ASIC2: variants seen among roughly 807,000 people sequenced by gnomAD.
ASIC2 encodes the protein acid-sensing ion channel 2.
Under a neutral mutation model 57.3 loss-of-function variants are expected in ASIC2, and 25 were observed. The ratio of observed to expected loss-of-function variants is 0.44; its 90% CI spans 0.32 to 0.61. The LOEUF (loss-of-function observed/expected upper bound fraction) is 0.61. ASIC2 is among the 20% of genes least tolerant of loss of function. The pLI, the probability that ASIC2 is intolerant of heterozygous loss-of-function variation, is 0.06. For missense variants in ASIC2, 641 were observed against 738.1 expected (o/e 0.87, Z 1.52); for synonymous variants, 319 against 307.5 (o/e 1.04, Z -0.39).
At chr17:33,107,011 G>A (rs890830015) in intron 2 of ASIC2, among the ~76,000 whole-genome samples, 6 of 152,146 alleles carry the variant, frequency 3.9e-5, no homozygotes. Flanking sequence ...GCTGGTTGTC[G>A]AAGCTTGCCT....
intron 1 of ASIC2, among the ~76,000 whole-genome samples, chr17:33,411,599 C>T (rs932264770): frequency 7.2e-5 from 11 of 152,128 alleles, no homozygotes; most frequent in Admixed American, 2.6e-4. Flanking sequence ...TCTATCTGCT[C>T]CAGTGGGGGT....
At chr17:33,494,495 A>T (rs562269435) in intron 1 of ASIC2, among the ~76,000 whole-genome samples, 1 of 152,338 alleles carries the variant, frequency 6.6e-6, no homozygotes, top group African/African-American at 2.4e-5. Context: ...TCACACGAGT[A>T]TTGAGATAGG....
At chr17:34,026,633 C>G (rs8079966) in intron 1 of ASIC2, among the ~76,000 whole-genome samples, 2 of 152,128 alleles carry the variant, frequency 1.3e-5, no homozygotes, top group Non-Finnish European at 2.9e-5. Context: ...CTAATAAAAA[C>G]GTTCTTTCTG....
chr17:34,004,199 AAAAG>A (rs1906447852), intron 1 of ASIC2: 1 of 152,266 alleles, frequency 6.6e-6, no homozygotes, highest in Admixed American at 6.6e-5. Context: ...AAGGAAAAGG[AAAAG>A]GAAAAGGAAA....
At chr17:33,533,375 C>G (rs1915120748) in intron 1 of ASIC2, 1 of 152,158 alleles carries the variant, frequency 6.6e-6, no homozygotes, top group Non-Finnish European at 1.5e-5. Context: ...TCAGTATGCT[C>G]TTCCTCTGTC....
intron 1 of ASIC2, among the ~76,000 whole-genome samples, chr17:33,827,086 T>G (rs527521853): frequency 1.3e-5 from 2 of 152,306 alleles, no homozygotes; most frequent in African/African-American, 4.8e-5. Flanking sequence ...GATTTTGATG[T>G]GGCTCTGGAG....
chr17:33,090,992 T>C (rs1165827793), intron 2 of ASIC2, among the ~76,000 whole-genome samples: 1 of 152,214 alleles, frequency 6.6e-6, no homozygotes, highest in Non-Finnish European at 1.5e-5. Context: ...TTCTGTGGTT[T>C]CTGTACAGCA....
intron 1 of ASIC2, among the ~76,000 whole-genome samples, chr17:34,096,821 C>A (rs1255178040): frequency 1.6e-5 from 2 of 125,316 alleles, no homozygotes; most frequent in Non-Finnish European, 3.2e-5. Context: ...CATGCCACTG[C>A]ACTCCAGCCT....
chr17:34,041,278 G>C (rs1908121728), intron 1 of ASIC2: 1 of 152,176 alleles, frequency 6.6e-6, no homozygotes, highest in African/African-American at 2.4e-5. Context: ...CTGGGTCGGA[G>C]GCAGAAGAAG....
intron 1 of ASIC2, among the ~76,000 whole-genome samples, chr17:33,855,822 C>G (rs1275357403): frequency 6.6e-6 from 1 of 152,170 alleles, no homozygotes; most frequent in African/African-American, 2.4e-5. Flanking sequence ...GAATGGCCAA[C>G]TCTACCAACT....
At chr17:33,957,345 T>C (rs1009585390) in intron 1 of ASIC2, among the ~76,000 whole-genome samples, 1 of 152,198 alleles carries the variant, frequency 6.6e-6, no homozygotes, top group Non-Finnish European at 1.5e-5. Context: ...TGAAGGTCTC[T>C]TGAGGATTTA....
At chr17:33,847,611 T>C (rs1412889094) in intron 1 of ASIC2, among the ~76,000 whole-genome samples, 1 of 152,310 alleles carries the variant, frequency 6.6e-6, no homozygotes, top group East Asian at 1.9e-4. Context: ...CAATAGTATA[T>C]GGGACACAGC....
rs1373057939 is a variant in ASIC2 at position 33,959,037 on chromosome 17, C to T, written c.555+196941G>A. On this transcript the variant is annotated intron_variant, in intron 1 of 9. Transcript: ENST00000359872. ...AACAAGAGTGACCTTGGCTCCAGTT[C>T]CTAAGTTCCTCATCTCCATCTGAGA... Among the ~76,000 whole-genome samples, 4 of 152,172 alleles carry T rather than the reference C, an allele frequency of 2.6e-5. No homozygotes were observed. The South Asian group carries it at 8.3e-4, about 32-fold the overall frequency.
chr17:33,969,622 G>A (rs758606034), intron 1 of ASIC2, among the ~76,000 whole-genome samples: 3 of 152,164 alleles, frequency 2.0e-5, no homozygotes, highest in Non-Finnish European at 4.4e-5. Flanking sequence ...GTCTCTGGGC[G>A]ACAATGTGAA....
chr17:33,776,326 T>C (rs1275648998), intron 1 of ASIC2, among the ~76,000 whole-genome samples: 2 of 152,174 alleles, frequency 1.3e-5, no homozygotes, highest in Non-Finnish European at 2.9e-5. Flanking sequence ...TCATCCTGTC[T>C]GCCATGTAAG....
intron 1 of ASIC2, among the ~76,000 whole-genome samples, chr17:33,794,958 A>G (rs915458023): frequency 6.6e-6 from 1 of 152,188 alleles, no homozygotes; most frequent in Admixed American, 6.5e-5. Flanking sequence ...CCTTATCTGT[A>G]AGATAAGAAA....
chr17:33,539,307 T>C (rs750577358), intron 1 of ASIC2, among the ~76,000 whole-genome samples: 5 of 152,244 alleles, frequency 3.3e-5, no homozygotes, highest in African/African-American at 4.8e-5. Flanking sequence ...TTCTGGACTT[T>C]CCCTGGTGTC....
rs188271001 is a variant in ASIC2 at position 33,193,409 on chromosome 17, T to C, written c.709-81342A>G. ...GCTGCCTGGGTGGTCAGAGTCTATATATAGCGCTCTGCTCACATCCCTCCG... is the reference window on the plus strand; with the variant it reads ...GCTGCCTGGGTGGTCAGAGTCTATACATAGCGCTCTGCTCACATCCCTCCG... On this transcript the variant is annotated intron_variant, in intron 1 of 9. Coordinates refer to ENST00000225823, the MANE Select transcript of ASIC2 (RefSeq NM_183377.2). Among the ~76,000 whole-genome samples the C allele has an allele frequency of 3.5e-3, 532 of 152,332 alleles. 5 individuals are homozygous for C. Among genetic ancestry groups the C allele is most frequent in the African/African-American group, 0.012 (499 of 41,586 alleles).
rs78341844 is a variant in ASIC2 at position 33,857,800 on chromosome 17, C to T, written c.555+298178G>A. Among the ~76,000 whole-genome samples, 725 of 152,262 alleles carry T rather than the reference C, an allele frequency of 4.8e-3. 5 individuals carry two copies. The highest frequency in any genetic ancestry group is 0.017 in the African/African-American group (696 of 41,548). ...CCTTCAGACCTTCTATTTTGTAGAT[C>T]CAGAAACTTCCCTTCATGGAAGAAA... On this transcript the variant is annotated intron_variant, in intron 1 of 9. Coordinates refer to the ASIC2 transcript ENST00000359872.
Sources: gnomAD v4.1 joint callset for allele counts (sites outside exome capture counted in the v4.1 genomes callset) on GRCh38, gnomAD v4.1.1 for gene constraint, MANE v1.5 for transcripts, NCBI Gene and HGNC (gene_info 2026-07-23, HGNC 2026-07-21) for gene names.